Variants in HACD4 observed in about 807,000 individuals in gnomAD.
HACD4 encodes the protein 3-hydroxyacyl-CoA dehydratase 4, also known as very-long-chain (3R)-3-hydroxyacyl-CoA dehydratase 4.
HACD4 carries 35 observed loss-of-function variants against 33.3 expected under a neutral mutation model. That is an observed-to-expected ratio of 1.05 (90% CI 0.80 to 1.39). The LOEUF (loss-of-function observed/expected upper bound fraction) is 1.39. HACD4 is among the 40% of genes most tolerant of loss of function. HACD4 has a pLI of 0.00. For missense variants in HACD4, 323 were observed against 276.5 expected, an observed-to-expected ratio of 1.17 and a Z score of -1.19; for synonymous variants, 118 against 98.0, an observed-to-expected ratio of 1.20 and a Z score of -1.21.
At chr9:21,011,441 T>C in intron 5 of HACD4, 148 bp downstream of exon 5, 1 of 640,498 alleles carries the variant, frequency 1.6e-6, no homozygotes, top group Non-Finnish European at 2.8e-6. Flanking sequence ...CTTTGCCTCT[T>C]TGCATCAAGG....
Position 21,005,554 on chromosome 9 carries a change from G to C in HACD4, c.*1483C>G, listed in dbSNP as rs985252606. On this transcript the variant is annotated 3_prime_UTR_variant, in exon 7 of 7. Transcript: ENST00000495827. The surrounding 1 kb of genome is among the most constrained non-coding windows in gnomAD (Gnocchi z 4.0). ...TTTGGGACCATAGAGCTATTCAGCT[G>C]TGAATGTACACTATTCTTCAAGAAA... is the stretch of plus-strand genomic sequence containing the variant. 1 of 152,228 alleles carries C rather than the reference G, an allele frequency of 6.6e-6. No homozygotes were observed. The highest frequency in any genetic ancestry group is 1.5e-5 in the Non-Finnish European group (1 of 68,054). 9.4% of individuals were successfully genotyped at this position (152,228 alleles called of 1,614,324 possible). A position where few individuals can be genotyped will look rare whatever the true frequency, so the allele number is the denominator to read the frequency against.
intron 3 of HACD4, among the ~76,000 whole-genome samples, chr9:21,025,736 T>C (rs917562908): frequency 7.2e-5 from 11 of 152,342 alleles, no homozygotes; most frequent in Admixed American, 5.9e-4. Flanking sequence ...CTTCAACCTG[T>C]CTTTACAAAG....
intron 2 of HACD4, among the ~76,000 whole-genome samples, chr9:21,028,826 T>C (rs898303848): frequency 6.6e-6 from 1 of 152,238 alleles, no homozygotes; most frequent in African/African-American, 2.4e-5. Context: ...ATTTACATAT[T>C]ACTTCTTAAA....
In HACD4 at chr9:21,000,386, TC is replaced by T. The variant is rs1842149606; in HGVS notation, c.*6650del. On this transcript the variant is annotated 3_prime_UTR_variant, in exon 7 of 7. Transcript: ENST00000495827. ...GTTCTTTTTAGCAGTTTTCTTTCTG[TC>T]CAAAGCTGAAATAATTTAGACTCAA... 1.3e-5 allele frequency: 2 copies of T among 152,160 alleles called. No individual in the cohort carries two copies. Among genetic ancestry groups the T allele is most frequent in the South Asian group, 4.1e-4 (2 of 4,832 alleles). 9.4% of individuals were successfully genotyped at this position (152,160 alleles called of 1,614,324 possible).
chr9:21,023,574 C>CT (rs397709627), intron 3 of HACD4, among the ~76,000 whole-genome samples: 36,151 of 128,870 alleles, frequency 0.28, 5,777 homozygotes, highest in East Asian at 0.56. Context: ...ACTTAACAAT[C>CT]TTTTTTTTTT....
intron 1 of HACD4, among the ~76,000 whole-genome samples, chr9:21,029,726 C>T (rs1415014315): frequency 6.6e-6 from 1 of 152,180 alleles, no homozygotes; most frequent in Non-Finnish European, 1.5e-5. Context: ...ACAGCTTAGC[C>T]TAGTCTACCT....
chr9:21,029,384 G>A lies in HACD4; in HGVS notation c.53C>T (p.Ala18Val), dbSNP rs182838456. 296 of 1,579,608 alleles carry A rather than the reference G, an allele frequency of 1.9e-4. No homozygotes were observed. Among genetic ancestry groups the A allele is most frequent in the African/African-American group, 1.4e-3 (104 of 74,086 alleles). ...AWLQPRYRKNAYLFIYYLIQF... is the reference protein window; with the variant it reads ...AWLQPRYRKNVYLFIYYLIQF... ...GATTAAGTAATAGATGAAAAGATAC[G>A]CATTCTTCCTATACCTATAAATACA... is the stretch of plus-strand genomic sequence containing the variant. Residue 18 changes from alanine (A) to valine (V), a missense_variant, in exon 2 of 7, where the codon GCG becomes GTG. By Grantham distance (64) the Ala-to-Val change is moderately conservative (BLOSUM62 0). Coordinates refer to ENST00000495827, the MANE Select transcript of HACD4 (RefSeq NM_001010915.5).
At chr9:21,030,200 G>C (rs1818172721) in intron 1 of HACD4, among the ~76,000 whole-genome samples, 2 of 151,606 alleles carry the variant, frequency 1.3e-5, no homozygotes, top group South Asian at 4.2e-4. Context: ...CAGCACTTTG[G>C]GAGGCCAAGG....
At chr9:21,010,808 G>C (rs1198368101) in intron 5 of HACD4, among the ~76,000 whole-genome samples, 1 of 152,012 alleles carries the variant, frequency 6.6e-6, no homozygotes, top group African/African-American at 2.4e-5. Flanking sequence ...GACAGTGAAA[G>C]ATCATCAGGC....
At chr9:21,011,532 C>T in intron 5 of HACD4, 57 bp downstream of exon 5, 2 of 1,022,640 alleles carry the variant, frequency 2.0e-6, no homozygotes, top group Non-Finnish European at 3.1e-6. Flanking sequence ...TTTAGTGAAC[C>T]ATTATAACTA....
At chr9:21,010,468 C>CA (rs1842390804) in intron 5 of HACD4, among the ~76,000 whole-genome samples, 8 of 136,352 alleles carry the variant, frequency 5.9e-5, no homozygotes, top group Non-Finnish European at 1.1e-4. Context: ...CCCCCCCCCC[C>CA]CCAGAGCTTA....
rs1326830415 is a variant in HACD4, at chr9:21,002,258, C to T, written c.*4779G>A. The stretch of plus-strand genomic sequence containing the variant: ...AACTGAGAAAGATACTTAAATGCTT[C>T]ACTATAAAAAAGTAAACTACACACA... On this transcript the variant is annotated 3_prime_UTR_variant, in exon 7 of 7. Transcript: ENST00000495827. 1 of 151,972 alleles carries T rather than the reference C, an allele frequency of 6.6e-6. No individual in the cohort carries two copies. The highest frequency in any genetic ancestry group is 2.4e-5 in the African/African-American group (1 of 41,376). The allele number at this position is 151,972 out of a possible 1,614,324, so 9.4% of individuals were successfully genotyped here.
At chr9:21,030,866 G>A (rs2132809752) in intron 1 of HACD4, among the ~76,000 whole-genome samples, 1 of 152,296 alleles carries the variant, frequency 6.6e-6, no homozygotes, top group East Asian at 1.9e-4. Context: ...GTTAGGAAAA[G>A]CACTGTTTGA....
rs1842268236 is a variant in HACD4 at position 21,006,338 on chromosome 9, A to G, written c.*699T>C. 1 of 152,834 alleles carries G rather than the reference A, an allele frequency of 6.5e-6. No individual in the cohort carries two copies. Among genetic ancestry groups the G allele is most frequent in the African/African-American group, 2.4e-5 (1 of 41,446 alleles). The allele number at this position is 152,834 out of a possible 1,614,324, so 9.5% of individuals were successfully genotyped here. A position where few individuals can be genotyped will look rare whatever the true frequency, so the allele number is the denominator to read the frequency against. Reference sequence around the variant, plus strand: ...CATGTGAGGACAAAGAAGGACATCTATCTGCAAACTGGGAAGAGGGCCCTC... The same window carrying G: ...CATGTGAGGACAAAGAAGGACATCTGTCTGCAAACTGGGAAGAGGGCCCTC... On this transcript the variant is annotated 3_prime_UTR_variant, in exon 7 of 7. Coordinates refer to ENST00000495827, the MANE Select transcript of HACD4 (RefSeq NM_001010915.5). The surrounding 1 kb of genome is among the most constrained non-coding windows in gnomAD (Gnocchi z 4.6).
rs1262665055 is a variant in HACD4, at chr9:21,001,197, C to CA, written c.*5839dup. The CA allele has an allele frequency of 2.0e-5, 3 of 151,464 alleles. No homozygotes were observed. Among genetic ancestry groups the CA allele is most frequent in the Admixed American group, 6.6e-5 (1 of 15,202 alleles). The allele number at this position is 151,464 out of a possible 1,614,324, so 9.4% of individuals were successfully genotyped here. A position where few individuals can be genotyped will look rare whatever the true frequency, so the allele number is the denominator to read the frequency against. ...GAACCAAAGAGCATGCGGAAAAAGT[C>CA]AAAAAACCAATGGATGAACAAAATG... On this transcript the variant is annotated 3_prime_UTR_variant, in exon 7 of 7. Transcript: ENST00000495827.
chr9:21,021,594 CAGAG>C (rs1464203527), intron 3 of HACD4, among the ~76,000 whole-genome samples: 2 of 152,140 alleles, frequency 1.3e-5, no homozygotes, highest in Non-Finnish European at 2.9e-5. Context: ...AACAGACAAA[CAGAG>C]AGCCAAATCA....
At chr9:21,026,866 A>T (rs1243089256) in intron 2 of HACD4, 143 bp from the exon 3 acceptor site, 13 of 641,032 alleles carry the variant, frequency 2.0e-5, no homozygotes, top group Non-Finnish European at 3.5e-5. Flanking sequence ...GTAGGCTACT[A>T]AATTATTAAC....
chr9:21,020,549 T>A (rs1817882366), intron 3 of HACD4, among the ~76,000 whole-genome samples: 1 of 152,186 alleles, frequency 6.6e-6, no homozygotes, highest in African/African-American at 2.4e-5. Context: ...TTTGATTAAA[T>A]TTACTGAAAT....
At chr9:21,008,180 C>T (rs1564269148) in intron 5 of HACD4, 34 bp from the exon 6 acceptor site, 1 of 1,577,500 alleles carries the variant, frequency 6.3e-7, no homozygotes, top group Non-Finnish European at 8.6e-7. Flanking sequence ...AAAGGTATTC[C>T]TCCTTAAGTT....
Sources: gnomAD v4.1 joint callset for allele counts (sites outside exome capture counted in the v4.1 genomes callset) on GRCh38, gnomAD v4.1.1 for gene constraint, Gnocchi (gnomAD v3.1) non-coding constraint, MANE v1.5 for transcripts, NCBI Gene and HGNC (gene_info 2026-07-23, HGNC 2026-07-21) for gene names.